IDH3G: variants seen among roughly 807,000 people sequenced by gnomAD.
IDH3G encodes the protein isocitrate dehydrogenase [NAD] subunit gamma, mitochondrial.
In IDH3G, 9 loss-of-function variants were observed where a neutral mutation model predicts 26.9. That is an observed-to-expected ratio of 0.34 (90% confidence interval 0.20 to 0.58). The LOEUF is 0.58. Among genes scored for constraint, IDH3G ranks in the 20% least tolerant of loss-of-function variants. IDH3G has a pLI of 0.85. For synonymous variants in IDH3G, 181 were observed against 160.0 expected (o/e 1.13, Z -0.99); for missense variants, 250 against 372.8 (o/e 0.67, Z 2.71).
intron 1 of IDH3G, 137 bp downstream of exon 1, chrX:153,794,109 A>G (rs781930038): frequency 2.7e-4 from 185 of 688,599 alleles, no homozygotes; most frequent in Non-Finnish European, 3.6e-4. Flanking sequence ...GAGGCGGCCA[A>G]TCAACCCCGG....
chrX:153,793,695 G>A (rs2092119503), intron 1 of IDH3G: 1 of 111,916 alleles, frequency 8.9e-6, no homozygotes, highest in Non-Finnish European at 1.9e-5. Flanking sequence ...GACCGCACAC[G>A]GAGAAGAGCA....
chrX:153,788,205 T>C (rs1306646717), intron 5 of IDH3G, 70 bp from the exon 6 acceptor site: 1 of 1,077,777 alleles, frequency 9.3e-7, no homozygotes, highest in African/African-American at 1.9e-5. Context: ...AGCTGAAGGC[T>C]GCCGGGGTCA....
chrX:153,789,780 G>T lies in IDH3G; in HGVS notation c.278C>A (p.Ser93Tyr), dbSNP rs1557070029. The part of the protein sequence containing the change: ...PVDFEEVHVS[S>Y]NADEEDIRNA... ...GCGAATGTCCTCTTCATCAGCATTG[G>T]AACTCACGTGCACCTCTTCAAAGTC... The change falls in exon 5 of 13, where the codon TCC becomes TAC. Residue 93 changes from serine (S) to tyrosine (Y), a missense_variant. Physicochemically the swap from Ser to Tyr is moderately radical, Grantham distance 144 (BLOSUM62 -2). Transcript: ENST00000217901. 2 of 1,206,021 alleles carry T rather than the reference G, an allele frequency of 1.7e-6. No individual in the cohort carries two copies. The highest frequency in any genetic ancestry group is 4.4e-5 in the Admixed American group (2 of 45,777).
chrX:153,794,182 G>C (rs1269268807), intron 1 of IDH3G, 64 bp downstream of exon 1: 5 of 1,108,403 alleles, frequency 4.5e-6, no homozygotes, highest in East Asian at 3.3e-5. Flanking sequence ...ACTGCTTCGG[G>C]TGCGGCTACC....
intron 4 of IDH3G, 178 bp downstream of exon 4, chrX:153,790,017 C>T (rs1281919419): frequency 1.0e-5 from 5 of 484,277 alleles, no homozygotes; most frequent in Non-Finnish European, 1.8e-5. Context: ...GGACTGGTGC[C>T]ACCTTCCCCG....
chrX:153,786,811 A>G lies in IDH3G; in HGVS notation c.914T>C (p.Val305Ala). The G allele has an allele frequency of 8.3e-7, 1 of 1,206,170 alleles. No homozygotes were observed. ...GCCACCGGCACTCACTGTTTCAAAC[A>G]CCGCGTACACATGGCCATAGTTGGC... Reference protein sequence around the residue: ...AGANYGHVYAVFETATRNTGK... With the variant: ...AGANYGHVYAAFETATRNTGK... Residue 305 changes from valine to alanine, a missense_variant, in exon 10 of 13, where the codon GTG becomes GCG. By Grantham distance (64) the Val-to-Ala change is moderately conservative. This residue lies in a region of IDH3G where 201 missense variants were observed against 331.3 expected (regional missense o/e 0.61). Coordinates refer to ENST00000217901, the MANE Select transcript of IDH3G (RefSeq NM_004135.4).
In IDH3G at chrX:153,787,084, G is replaced by A. The variant is rs188224162; in HGVS notation, c.744C>T (p.Phe248=). 23 of 1,209,401 alleles carry A rather than the reference G, an allele frequency of 1.9e-5. 1 individual carries two copies. The African/African-American group carries it at 1.9e-4, about 10-fold the overall frequency. Residue 248 remains phenylalanine, a synonymous_variant, in exon 9 of 13, where the codon TTC becomes TTT. Coordinates refer to ENST00000217901, the MANE Select transcript of IDH3G (RefSeq NM_004135.4). ...EVAARYPQIT[F]ENMIVDNTTM... is the part of the protein sequence containing the mutation. The stretch of plus-strand genomic sequence containing the variant: ...TGGTGTTATCCACAATCATGTTCTC[G>A]AAGGTGATCTGAGGGTAGCGGGCTG...
chrX:153,788,257 C>A, intron 5 of IDH3G, 122 bp from the exon 6 acceptor site: 1 of 697,635 alleles, frequency 1.4e-6, no homozygotes, highest in Non-Finnish European at 2.3e-6. Flanking sequence ...CACTAGAATG[C>A]TAGAATGCAA....
intron 11 of IDH3G, 22 bp downstream of exon 11, chrX:153,786,333 C>T (rs1557069161): frequency 1.5e-5 from 18 of 1,202,408 alleles, no homozygotes; most frequent in African/African-American, 3.5e-5. Flanking sequence ...CAGGGGCTTG[C>T]GGGGCACTGG....
At chrX:153,790,604 C>T in intron 2 of IDH3G, 29 bp from the exon 3 acceptor site, 9 of 1,202,717 alleles carry the variant, frequency 7.5e-6, no homozygotes, top group Non-Finnish European at 1.0e-5. Context: ...GAAGAAGACA[C>T]AATCAGCCAA....
chrX:153,786,008 C>T, intron 12 of IDH3G, 35 bp from the exon 13 acceptor site: 1 of 1,210,554 alleles, frequency 8.3e-7, no homozygotes, highest in Non-Finnish European at 1.1e-6. Flanking sequence ...ACACACCAGG[C>T]CCTGCCACCC....
chrX:153,790,936 GC>G, intron 1 of IDH3G, 85 bp from the exon 2 acceptor site: 1 of 868,221 alleles, frequency 1.2e-6, no homozygotes, highest in Non-Finnish European at 1.7e-6. Context: ...TCCCCACTGT[GC>G]CCAGGCAGGT....
At chrX:153,788,190 A>G in intron 5 of IDH3G, 55 bp from the exon 6 acceptor site, 1 of 1,149,600 alleles carries the variant, frequency 8.7e-7, no homozygotes, top group Non-Finnish European at 1.2e-6. Context: ...CCACCTCAGC[A>G]GGGCAGCTGA....
chrX:153,791,988 T>C (rs1257042009), intron 1 of IDH3G, among the ~76,000 whole-genome samples: 7 of 112,399 alleles, frequency 6.2e-5, no homozygotes, highest in Non-Finnish European at 1.3e-4. Context: ...GGGACTTTTC[T>C]GTCTTCTCTC....
Position 153,786,208 on chromosome X carries a change from T to G in IDH3G, c.1080+4A>C. 1 of 1,208,960 alleles carries G rather than the reference T, an allele frequency of 8.3e-7. No homozygotes were observed. ...AGCAGGGTAGGGTGCGAGGGGAACC[T>G]CACATTCTCATTGTCCATGGATGCC... On this transcript the variant is annotated splice_donor_region_variant and intron_variant, in intron 12 of 12. Coordinates refer to ENST00000217901, the MANE Select transcript of IDH3G (RefSeq NM_004135.4).
intron 10 of IDH3G, 130 bp from the exon 11 acceptor site, chrX:153,786,579 G>A (rs2092089038): frequency 4.8e-6 from 3 of 630,965 alleles, no homozygotes; most frequent in East Asian, 3.6e-5. Flanking sequence ...CCAGGGGTTG[G>A]GGGAAGGTGT....
Position 153,786,390 on chromosome X carries a change from G to A in IDH3G, c.984C>T (p.Thr328=), listed in dbSNP as rs782680332. 3.3e-6 allele frequency: 4 copies of A among 1,205,964 alleles called. No homozygotes were observed. Among genetic ancestry groups the A allele is most frequent in the Non-Finnish European group, 4.5e-6 (4 of 892,843 alleles). Residue 328 remains threonine (T), a synonymous_variant, in exon 11 of 13, where the codon ACC becomes ACT. Coordinates refer to ENST00000217901, the MANE Select transcript of IDH3G (RefSeq NM_004135.4). Reference sequence around the variant, plus strand: ...CCAGCATCATGCAGCTGGCCAGCAGGGTGGCCGTGGGGTTGGCGATGTTCT... The same window carrying A: ...CCAGCATCATGCAGCTGGCCAGCAGAGTGGCCGTGGGGTTGGCGATGTTCT... ...ANKNIANPTA[T]LLASCMMLDH...
chrX:153,787,002 G>C, intron 9 of IDH3G, 49 bp downstream of exon 9: 1 of 1,195,740 alleles, frequency 8.4e-7, no homozygotes, highest in South Asian at 1.8e-5. Flanking sequence ...ATGGGTGAGA[G>C]AAGCCCAGGG....
chrX:153,787,378 T>TAA (rs2148444046), intron 8 of IDH3G, 86 bp downstream of exon 8: 1 of 1,120,044 alleles, frequency 8.9e-7, no homozygotes, highest in African/African-American at 1.8e-5. Flanking sequence ...GTAGCTGGGC[T>TAA]TTTGGACCAC....
Sources: gnomAD v4.1 joint callset for allele counts (sites outside exome capture counted in the v4.1 genomes callset) on GRCh38, gnomAD v4.1.1 for gene constraint, gnomAD v4.1.1 regional missense constraint, MANE v1.5 for transcripts, NCBI Gene and HGNC (gene_info 2026-07-23, HGNC 2026-07-21) for gene names.